Variants in ZMAT4 observed in about 807,000 individuals in gnomAD.
The protein encoded by ZMAT4 is zinc finger matrin-type protein 4.
Under a neutral mutation model 28.7 loss-of-function variants are expected in ZMAT4, and 17 were observed. That is an observed-to-expected ratio of 0.59 (90% confidence interval 0.41 to 0.89). The LOEUF (loss-of-function observed/expected upper bound fraction) is 0.89, where lower values mean the gene tolerates loss of function less well. Ranked by LOEUF, ZMAT4 falls within the 40% of genes least tolerant of loss-of-function variation. The pLI is 0.00. For missense variants in ZMAT4, 240 were observed against 283.8 expected, an observed-to-expected ratio of 0.85 and a Z score of 1.11; for synonymous variants, 117 against 109.2, an observed-to-expected ratio of 1.07 and a Z score of -0.44.
intron 5 of ZMAT4, among the ~76,000 whole-genome samples, chr8:40,589,753 T>TTTCTTTCTTTCTTTCTTTCTTTCTTTCC (rs1804801973): frequency 6.7e-6 from 1 of 148,386 alleles, no homozygotes; most frequent in Admixed American, 6.7e-5. Context: ...TCTTTCTTTC[T>TTTCTTTCTTTCTTTCTTTCTTTCTTTCC]TTCTTTCTTT....
At chr8:40,703,751 T>C (rs1025307760) in intron 3 of ZMAT4, among the ~76,000 whole-genome samples, 1 of 152,220 alleles carries the variant, frequency 6.6e-6, no homozygotes, top group African/African-American at 2.4e-5. Context: ...ATGAATTGTA[T>C]CTCAATATTC....
chr8:40,833,855 G>A (rs1816380565), intron 1 of ZMAT4, among the ~76,000 whole-genome samples: 1 of 152,150 alleles, frequency 6.6e-6, no homozygotes, highest in Non-Finnish European at 1.5e-5. Flanking sequence ...CATTCCTGAT[G>A]TTGCTCAGAT....
chr8:40,793,691 C>T (rs555505999), intron 2 of ZMAT4, among the ~76,000 whole-genome samples: 218 of 152,290 alleles, frequency 1.4e-3, no homozygotes, highest in African/African-American at 5.0e-3. Context: ...TGTTTTCAAA[C>T]CTGCTGGTCT....
intron 5 of ZMAT4, among the ~76,000 whole-genome samples, chr8:40,669,316 A>G (rs969664402): frequency 1.3e-5 from 2 of 152,116 alleles, no homozygotes; most frequent in African/African-American, 4.8e-5. Context: ...CCCTTATATG[A>G]TACAGATACT....
intron 5 of ZMAT4, among the ~76,000 whole-genome samples, chr8:40,591,704 G>C (rs1804900294): frequency 6.6e-6 from 1 of 152,174 alleles, no homozygotes; most frequent in Non-Finnish European, 1.5e-5. Context: ...ATCATTCGTA[G>C]TGGTTTATTC....
rs115623492 is a variant in ZMAT4, at chr8:40,555,799, C to T, written c.675-23561G>A. Among the ~76,000 whole-genome samples, 384 of 152,102 alleles carry T rather than the reference C, an allele frequency of 2.5e-3. 2 individuals are homozygous for T. The highest frequency in any genetic ancestry group is 8.6e-3 in the African/African-American group (357 of 41,524). Reference sequence around the variant, plus strand: ...TAGACTATGGTCTCTTCTATTCTTCCCCAAATCTCAGAGTGGGTCCCTCCT... The same window carrying T: ...TAGACTATGGTCTCTTCTATTCTTCTCCAAATCTCAGAGTGGGTCCCTCCT... On this transcript the variant is annotated intron_variant, in intron 6 of 6. Transcript: ENST00000297737.
At chr8:40,694,204 C>T (rs980678278) in intron 4 of ZMAT4, among the ~76,000 whole-genome samples, 1 of 152,250 alleles carries the variant, frequency 6.6e-6, no homozygotes, top group Non-Finnish European at 1.5e-5. Flanking sequence ...GGTGTGGCTG[C>T]AGGCAGTAAG....
rs79449720 is a variant in ZMAT4, at chr8:40,794,839, G to T, written c.103-27109C>A. Among the ~76,000 whole-genome samples, 1,383 of 152,092 alleles carry T rather than the reference G, an allele frequency of 9.1e-3. 23 individuals carry two copies. The highest frequency in any genetic ancestry group is 0.032 in the African/African-American group (1,336 of 41,470). Reference sequence around the variant, plus strand: ...TCGTCAAGGGGTTGTGCTTTTGTGTGGCAATGATTGCGTTCATGTGAAGAC... The same window carrying T: ...TCGTCAAGGGGTTGTGCTTTTGTGTTGCAATGATTGCGTTCATGTGAAGAC... On this transcript the variant is annotated intron_variant, in intron 2 of 6. Transcript: ENST00000297737.
rs536608371 is a variant in ZMAT4, at chr8:40,671,339, C to T, written c.577+3365G>A. On this transcript the variant is annotated intron_variant, in intron 5 of 6. Transcript: ENST00000297737. ...TGCCTATTTACCAAGAGAAGTAAAA[C>T]ATATGTTGACCAAAAAAAAGTCTTG... 2.6e-5 allele frequency among the ~76,000 whole-genome samples: 4 copies of T among 152,168 alleles called. No individual in the cohort carries two copies. The South Asian group carries it at 8.3e-4, about 32-fold the overall frequency.
intron 5 of ZMAT4, among the ~76,000 whole-genome samples, chr8:40,617,511 G>T (rs2118680149): frequency 6.6e-6 from 1 of 152,268 alleles, no homozygotes; most frequent in Non-Finnish European, 1.5e-5. Flanking sequence ...ACATCATCTT[G>T]GAATGCTGAA....
chr8:40,875,438 T>G (rs1818008712), intron 1 of ZMAT4, among the ~76,000 whole-genome samples: 1 of 151,860 alleles, frequency 6.6e-6, no homozygotes, highest in Non-Finnish European at 1.5e-5. Context: ...AAAGAAAGAG[T>G]TAATAAGCAT....
At chr8:40,564,086 T>C (rs1803837344) in intron 6 of ZMAT4, among the ~76,000 whole-genome samples, 2 of 152,132 alleles carry the variant, frequency 1.3e-5, no homozygotes. Flanking sequence ...TACTTATTTT[T>C]GGTCTGTCCT....
chr8:40,788,034 T>A (rs1193272777), intron 2 of ZMAT4, among the ~76,000 whole-genome samples: 1 of 151,572 alleles, frequency 6.6e-6, no homozygotes, highest in Non-Finnish European at 1.5e-5. Context: ...AAAATAGAAA[T>A]ACAAAAGAGA....
intron 4 of ZMAT4, among the ~76,000 whole-genome samples, chr8:40,679,130 A>G (rs562137073): frequency 2.6e-5 from 4 of 152,324 alleles, no homozygotes; most frequent in Admixed American, 2.6e-4. Context: ...TTGATTTCTA[A>G]GAATCACCTC....
At chr8:40,862,582 A>G (rs866732955) in intron 1 of ZMAT4, among the ~76,000 whole-genome samples, 1 of 97,310 alleles carries the variant, frequency 1.0e-5, no homozygotes, top group East Asian at 3.0e-4. Context: ...AAAAAAAAAA[A>G]TTAAAAAAAA....
At chr8:40,883,667 G>C (rs561165399) in intron 1 of ZMAT4, among the ~76,000 whole-genome samples, 1 of 152,094 alleles carries the variant, frequency 6.6e-6, no homozygotes, top group South Asian at 2.1e-4. Context: ...AAGAGATCTC[G>C]AAAGCAAAAA....
chr8:40,647,562 G>A (rs1249390642), intron 5 of ZMAT4, among the ~76,000 whole-genome samples: 2 of 152,184 alleles, frequency 1.3e-5, no homozygotes, highest in Non-Finnish European at 2.9e-5. Flanking sequence ...CTCGAACTGG[G>A]TGGAGCCCAC....
intron 5 of ZMAT4, among the ~76,000 whole-genome samples, chr8:40,650,310 A>G (rs1393679727): frequency 6.6e-6 from 1 of 151,676 alleles, no homozygotes; most frequent in African/African-American, 2.4e-5. Flanking sequence ...CTATGCAAAT[A>G]AACTAGAAAA....
At chr8:40,881,538 GAAAGAAAGAAAGAAAGAAAGAAAGAA>G (rs1427301040) in intron 1 of ZMAT4, among the ~76,000 whole-genome samples, 1 of 70,300 alleles carries the variant, frequency 1.4e-5, no homozygotes, top group Non-Finnish European at 2.8e-5. Flanking sequence ...CAGAAAGAAA[GAAAGAAAGAAAGAAAGAAAGAAAGAA>G]AGAAAGAAAG....
Sources: gnomAD v4.1 joint callset for allele counts (sites outside exome capture counted in the v4.1 genomes callset) on GRCh38, gnomAD v4.1.1 for gene constraint, MANE v1.5 for transcripts, NCBI Gene and HGNC (gene_info 2026-07-23, HGNC 2026-07-21) for gene names.